DLGAP1: variants seen among roughly 807,000 people sequenced by gnomAD.
DLGAP1 encodes DLG associated protein 1, also known as disks large-associated protein 1.
A neutral mutation model predicts 90.8 loss-of-function variants in DLGAP1; 11 were observed. The observed-to-expected ratio is 0.12, with a 90% confidence interval of 0.08 to 0.20. The LOEUF (loss-of-function observed/expected upper bound fraction) is 0.20, where lower values mean the gene tolerates loss of function less well. DLGAP1 is among the 10% of genes least tolerant of loss of function. The probability of loss-of-function intolerance (pLI) is 1.00; values close to 1 mark genes in which losing one functional copy is unlikely to be tolerated. For missense variants in DLGAP1, 1,050 were observed against 1,333.8 expected (o/e 0.79, Z 3.31); for synonymous variants, 558 against 540.7 (o/e 1.03, Z -0.44).
rs558620370 is a variant in DLGAP1 at position 4,115,609 on chromosome 18, C to T, written c.-159+35571G>A. On this transcript the variant is annotated intron_variant, in intron 2 of 12. Transcript: ENST00000315677. The stretch of plus-strand genomic sequence containing the variant: ...CACGCCATCCTCCTGCCTCAGCCTC[C>T]GGAGTAGCTGGGACTACAGGCGCCT... 2.6e-4 allele frequency among the ~76,000 whole-genome samples: 40 copies of T among 152,148 alleles called. 1 individual carries two copies. In the South Asian group the frequency reaches 6.2e-3, roughly 24 times the overall value.
At chr18:4,276,542 G>A (rs1379215941) in intron 1 of DLGAP1, among the ~76,000 whole-genome samples, 1 of 151,782 alleles carries the variant, frequency 6.6e-6, no homozygotes, top group East Asian at 1.9e-4. Flanking sequence ...AGGCTGAGGT[G>A]GGAGACTCAC....
chr18:4,212,246 T>C (rs1415203624), intron 1 of DLGAP1, among the ~76,000 whole-genome samples: 1 of 152,150 alleles, frequency 6.6e-6, no homozygotes, highest in Non-Finnish European at 1.5e-5. Context: ...GACTTTGAGA[T>C]GAGTCCTGCT....
intron 2 of DLGAP1, among the ~76,000 whole-genome samples, chr18:4,038,989 C>T (rs1213791926): frequency 2.0e-5 from 3 of 152,026 alleles, no homozygotes; most frequent in East Asian, 1.9e-4. Context: ...CCCTTCCTTC[C>T]GGTCAAGCAC....
intron 3 of DLGAP1, among the ~76,000 whole-genome samples, chr18:3,894,080 A>C (rs952028965): frequency 6.6e-6 from 1 of 151,934 alleles, no homozygotes; most frequent in African/African-American, 2.4e-5. Flanking sequence ...TGGTTTCTGA[A>C]ATTGTTGAGT....
intron 3 of DLGAP1, among the ~76,000 whole-genome samples, chr18:3,938,304 A>G (rs569145198): frequency 2.6e-5 from 4 of 152,336 alleles, no homozygotes; most frequent in African/African-American, 7.2e-5. Context: ...ATTTGACTGC[A>G]GATGAACACA....
intron 1 of DLGAP1, among the ~76,000 whole-genome samples, chr18:4,434,283 A>G (rs1030071016): frequency 6.6e-6 from 1 of 152,094 alleles, no homozygotes; most frequent in African/African-American, 2.4e-5. Context: ...TTTGAGCACA[A>G]TGAAATGTGT....
intron 4 of DLGAP1, among the ~76,000 whole-genome samples, chr18:3,858,272 A>G (rs2069775633): frequency 6.6e-6 from 1 of 152,072 alleles, no homozygotes; most frequent in Admixed American, 6.6e-5. Context: ...AGGTGATTCT[A>G]TACTTAAAAC....
intron 1 of DLGAP1, chr18:4,293,808 C>CACCTCCACCCA (rs1305267880): frequency 2.7e-4 from 41 of 152,348 alleles, no homozygotes; most frequent in African/African-American, 9.4e-4. Flanking sequence ...ACTCCTTCCT[C>CACCTCCACCCA]ACCTCCACCC....
chr18:3,977,980 G>T, intron 3 of DLGAP1: 1 of 362,658 alleles, frequency 2.8e-6, no homozygotes, highest in East Asian at 8.3e-5. Flanking sequence ...GGATGACTTT[G>T]CCTACAGCCT....
At chr18:3,954,625 A>C (rs1599213699) in intron 3 of DLGAP1, among the ~76,000 whole-genome samples, 1 of 152,324 alleles carries the variant, frequency 6.6e-6, no homozygotes. Context: ...AGAATTATCT[A>C]TAAGAAACAA....
At chr18:3,757,229 GA>G (rs2063752565) in intron 5 of DLGAP1, among the ~76,000 whole-genome samples, 1 of 152,096 alleles carries the variant, frequency 6.6e-6, no homozygotes, top group South Asian at 2.1e-4. Flanking sequence ...CCAAAATGGC[GA>G]AACCCCATCT....
At chr18:4,110,239 A>G (rs1291593631) in intron 2 of DLGAP1, among the ~76,000 whole-genome samples, 1 of 152,242 alleles carries the variant, frequency 6.6e-6, no homozygotes, top group African/African-American at 2.4e-5. Flanking sequence ...GCTGTAGGCA[A>G]ATGTAACAAT....
chr18:4,041,019 C>A (rs1169777461), intron 2 of DLGAP1, among the ~76,000 whole-genome samples: 1 of 152,166 alleles, frequency 6.6e-6, no homozygotes, highest in South Asian at 2.1e-4. Context: ...CATTTCCACG[C>A]CCTTGGTACA....
intron 3 of DLGAP1, among the ~76,000 whole-genome samples, chr18:3,980,428 C>T (rs2073702339): frequency 1.3e-5 from 2 of 152,174 alleles, no homozygotes; most frequent in Non-Finnish European, 2.9e-5. Context: ...GCAGAAAGTG[C>T]TTACGGCATT....
chr18:4,016,667 T>TAA (rs140377568), intron 2 of DLGAP1, among the ~76,000 whole-genome samples: 14 of 152,058 alleles, frequency 9.2e-5, no homozygotes, highest in Admixed American at 6.5e-4. Flanking sequence ...TTCCTTGAAT[T>TAA]AAAAAAAATC....
chr18:4,159,214 G>A (rs1049128479), intron 1 of DLGAP1, among the ~76,000 whole-genome samples: 1 of 152,152 alleles, frequency 6.6e-6, no homozygotes, highest in Non-Finnish European at 1.5e-5. Context: ...AGCTGCCAGA[G>A]AGTCCTTCTA....
At chr18:3,656,164 T>G in intron 7 of DLGAP1, 1 of 1,503,570 alleles carries the variant, frequency 6.7e-7, no homozygotes, top group African/African-American at 1.4e-5. Flanking sequence ...AAATCGCCTT[T>G]TCCAGGCTTC....
At chr18:4,086,571 C>T (rs1409646918) in intron 2 of DLGAP1, among the ~76,000 whole-genome samples, 1 of 151,946 alleles carries the variant, frequency 6.6e-6, no homozygotes. Flanking sequence ...GGTTACTCAG[C>T]ACTGTGTTAT....
Position 3,523,647 on chromosome 18 carries a change from A to G in DLGAP1, c.2479+10547T>C, listed in dbSNP as rs538283752. On this transcript the variant is annotated intron_variant, in intron 10 of 12. Coordinates refer to ENST00000315677, the MANE Select transcript of DLGAP1 (RefSeq NM_004746.4). ...CGGATCACGAGGTCAGGAGATCGAG[A>G]CCATCCTGGCTAACACGGTGAAACC... 1.7e-4 allele frequency among the ~76,000 whole-genome samples: 26 copies of G among 152,154 alleles called. 1 individual carries two copies. The highest frequency in any genetic ancestry group is 3.1e-4 in the African/African-American group (13 of 41,516).
Sources: allele counts gnomAD v4.1 joint callset (sites outside exome capture counted in the v4.1 genomes callset), GRCh38; gene constraint gnomAD v4.1.1; transcripts MANE v1.5; gene names NCBI Gene and HGNC (gene_info 2026-07-23, HGNC 2026-07-21).